Variants in SMAD3 observed in about 807,000 individuals in gnomAD.
The protein encoded by SMAD3 is SMAD family member 3.
A neutral mutation model predicts 51.8 loss-of-function variants in SMAD3; 12 were observed. The observed-to-expected ratio is 0.23, with a 90% CI of 0.15 to 0.38. The LOEUF (loss-of-function observed/expected upper bound fraction) is 0.38. SMAD3 is among the 10% of genes least tolerant of loss of function. SMAD3 has a pLI of 1.00. For synonymous variants in SMAD3, 238 were observed against 227.7 expected (o/e 1.05, Z -0.41); for missense variants, 294 against 565.6 (o/e 0.52, Z 4.87).
At chr15:67,110,449 G>T (rs982133794) in intron 1 of SMAD3, among the ~76,000 whole-genome samples, 2 of 152,250 alleles carry the variant, frequency 1.3e-5, no homozygotes, top group East Asian at 3.8e-4. Context: ...TATAAACAGA[G>T]TTGGGAGTGA....
chr15:67,070,968 C>A (rs766254238), intron 1 of SMAD3, among the ~76,000 whole-genome samples: 3 of 152,134 alleles, frequency 2.0e-5, no homozygotes, highest in African/African-American at 4.8e-5. Context: ...ATCATTCATT[C>A]ATTATTGAAT....
Position 67,159,075 on chromosome 15 carries a change from A to AT in SMAD3, c.207-5807dup, listed in dbSNP as rs201708159. On this transcript the variant is annotated intron_variant, in intron 1 of 8. Coordinates refer to ENST00000327367, the MANE Select transcript of SMAD3 (RefSeq NM_005902.4). ...TTTTTAATCCCTCTGGGGGAAAAGA[A>AT]TTTTTTTTTTTTTGAGACAGATTCT... 3.1e-3 allele frequency among the ~76,000 whole-genome samples: 456 copies of AT among 146,578 alleles called. 2 individuals carry two copies. Among genetic ancestry groups the AT allele is most frequent in the African/African-American group, 8.0e-3 (323 of 40,148 alleles).
At chr15:67,107,446 G>A (rs1960903837) in intron 1 of SMAD3, among the ~76,000 whole-genome samples, 1 of 152,142 alleles carries the variant, frequency 6.6e-6, no homozygotes, top group Non-Finnish European at 1.5e-5. Flanking sequence ...CAGACAAGGG[G>A]AGAGCCTTGT....
chr15:67,097,285 G>A (rs537986389), intron 1 of SMAD3, among the ~76,000 whole-genome samples: 1 of 152,112 alleles, frequency 6.6e-6, no homozygotes, highest in Admixed American at 6.6e-5. Context: ...GTATGATATT[G>A]GCACACTGCA....
intron 5 of SMAD3, among the ~76,000 whole-genome samples, chr15:67,173,885 G>A (rs1962818099): frequency 1.3e-5 from 2 of 152,234 alleles, no homozygotes; most frequent in Admixed American, 1.3e-4. Flanking sequence ...CCAGCGTTAA[G>A]TGGGATGATG....
intron 1 of SMAD3, among the ~76,000 whole-genome samples, chr15:67,084,230 C>G (rs916727895): frequency 9.9e-5 from 15 of 151,538 alleles, no homozygotes; most frequent in African/African-American, 3.6e-4. Flanking sequence ...CGTCTGCCAC[C>G]ACACCTGGCT....
chr15:67,142,826 G>A (rs988876350), intron 1 of SMAD3: 2 of 453,474 alleles, frequency 4.4e-6, no homozygotes, highest in African/African-American at 4.0e-5. Context: ...GGCCCTGTGG[G>A]GCAGCTGGTG....
intron 1 of SMAD3, among the ~76,000 whole-genome samples, chr15:67,097,151 T>A (rs773319718): frequency 4.6e-5 from 7 of 152,214 alleles, no homozygotes; most frequent in African/African-American, 1.7e-4. Flanking sequence ...ACTTGGAGGC[T>A]GAATTCTTGG....
At chr15:67,178,064 T>A (rs1441375029) in intron 5 of SMAD3, among the ~76,000 whole-genome samples, 1 of 152,228 alleles carries the variant, frequency 6.6e-6, no homozygotes, top group Non-Finnish European at 1.5e-5. Flanking sequence ...TTCTTAATGA[T>A]GTGTCAGGTT....
intron 1 of SMAD3, among the ~76,000 whole-genome samples, chr15:67,071,238 TATG>T (rs1960045971): frequency 4.6e-5 from 7 of 152,172 alleles, no homozygotes; most frequent in Admixed American, 3.9e-4. Context: ...TGGACTGCAG[TATG>T]ATGTTGGGAA....
At chr15:67,071,135 A>G (rs1960043875) in intron 1 of SMAD3, among the ~76,000 whole-genome samples, 1 of 152,248 alleles carries the variant, frequency 6.6e-6, no homozygotes. Context: ...GTGGAAACAC[A>G]GTTAATTCTG....
At chr15:67,122,007 C>A (rs772250486) in intron 1 of SMAD3, among the ~76,000 whole-genome samples, 32 of 152,216 alleles carry the variant, frequency 2.1e-4, no homozygotes, top group Non-Finnish European at 4.4e-4. Flanking sequence ...CTCAGTCACA[C>A]CAGCCGCATT....
intron 5 of SMAD3, among the ~76,000 whole-genome samples, chr15:67,180,844 G>A (rs943859206): frequency 6.6e-6 from 1 of 152,142 alleles, no homozygotes; most frequent in Non-Finnish European, 1.5e-5. Flanking sequence ...GTGAGTACAC[G>A]CAGTGGCTGT....
chr15:67,109,037 C>G (rs1490765894), intron 1 of SMAD3, among the ~76,000 whole-genome samples: 2 of 152,148 alleles, frequency 1.3e-5, no homozygotes, highest in African/African-American at 4.8e-5. Context: ...TTGACGAAGA[C>G]CAGTTATTAT....
At position 67,066,071 on chromosome 15, in the gene SMAD3, C is replaced by G; in HGVS notation, c.-84C>G. The G allele has an allele frequency of 1.0e-6, 1 of 977,306 alleles. No individual in the cohort carries two copies. Among genetic ancestry groups the G allele is most frequent in the East Asian group, 3.0e-5 (1 of 32,842 alleles). 60.5% of individuals were successfully genotyped at this position (977,306 alleles called of 1,614,324 possible). A position where few individuals can be genotyped will look rare whatever the true frequency, so the allele number is the denominator to read the frequency against. ...TTGGGCGACCGCGGCAGGCCCCGGC[C>G]GAGCTCCCCTCTGCGCCCCCGGCGT... On this transcript the variant is annotated 5_prime_UTR_variant, in exon 1 of 9. Transcript: ENST00000327367.
chr15:67,091,964 A>G (rs1960517925), intron 1 of SMAD3, among the ~76,000 whole-genome samples: 1 of 152,162 alleles, frequency 6.6e-6, no homozygotes, highest in Admixed American at 6.5e-5. Flanking sequence ...TGGAGGGACA[A>G]AGGGAACAGG....
intron 1 of SMAD3, among the ~76,000 whole-genome samples, chr15:67,119,856 G>T (rs528099009): frequency 2.0e-5 from 3 of 152,262 alleles, no homozygotes; most frequent in African/African-American, 4.8e-5. Context: ...GAGTGCAGTG[G>T]TGCGATCACA....
At chr15:67,152,513 G>A (rs1459400672) in intron 1 of SMAD3, among the ~76,000 whole-genome samples, 2 of 152,154 alleles carry the variant, frequency 1.3e-5, no homozygotes, top group Admixed American at 6.5e-5. Context: ...CAGCTTTTGG[G>A]GGTGAGGGAT....
At chr15:67,163,733 C>T (rs560685176) in intron 1 of SMAD3, among the ~76,000 whole-genome samples, 1 of 152,252 alleles carries the variant, frequency 6.6e-6, no homozygotes, top group East Asian at 1.9e-4. Flanking sequence ...GTCATAGCTG[C>T]TTGGCCAAAT....
Sources: allele counts gnomAD v4.1 joint callset (sites outside exome capture counted in the v4.1 genomes callset), GRCh38; gene constraint gnomAD v4.1.1; transcripts MANE v1.5; gene names NCBI Gene and HGNC (gene_info 2026-07-23, HGNC 2026-07-21).